Variants in ANKFY1 observed in about 807,000 individuals in gnomAD.
The protein encoded by ANKFY1 is ankyrin repeat and FYVE domain containing 1, also known as ankyrin repeat and FYVE domain-containing protein 1.
Under a neutral mutation model 128.3 loss-of-function variants are expected in ANKFY1, and 47 were observed. That is an observed-to-expected ratio of 0.37 (90% CI 0.29 to 0.47). ANKFY1 has a LOEUF of 0.47. ANKFY1 is among the 20% of genes least tolerant of loss of function. ANKFY1 has a pLI of 1.00. For synonymous variants in ANKFY1, 553 were observed against 601.6 expected (o/e 0.92, Z 1.18); for missense variants, 1,222 against 1,510.6 (o/e 0.81, Z 3.17).
chr17:4,194,086 CAT>C (rs200667678), intron 10 of ANKFY1, among the ~76,000 whole-genome samples: 7 of 46,464 alleles, frequency 1.5e-4, no homozygotes, highest in African/African-American at 3.9e-4. Context: ...CACGCCCGGC[CAT>C]ATATATATAT....
At position 4,235,605 on chromosome 17, in the gene ANKFY1, G is replaced by A. The variant is rs111353265; in HGVS notation, c.322+167C>T. On this transcript the variant is annotated intron_variant, in intron 3 of 24. Transcript: ENST00000341657. ...AGGTAGGTACACAAAGTACCTAAAA[G>A]TACAACCTGCTGATTCATTAATTAT... Among the ~76,000 whole-genome samples, 163 of 152,272 alleles carry A rather than the reference G, an allele frequency of 1.1e-3. 1 individual carries two copies. The highest frequency in any genetic ancestry group is 3.8e-3 in the African/African-American group (156 of 41,556).
In ANKFY1 at chr17:4,207,926, A is replaced by G; in HGVS notation, c.732+7T>C. 1 of 1,574,938 alleles carries G rather than the reference A, an allele frequency of 6.3e-7. No individual in the cohort carries two copies. Among genetic ancestry groups the G allele is most frequent in the Non-Finnish European group, 8.6e-7 (1 of 1,164,614 alleles). On this transcript the variant is annotated splice_region_variant and intron_variant, in intron 6 of 24. Coordinates refer to ENST00000341657, the MANE Select transcript of ANKFY1 (RefSeq NM_001330063.2). ...GAAATGAAGAATGGAAAAGGCAGCT[A>G]CAGTACCTGGGAATCCATTTCAATC...
At chr17:4,195,792 T>TC (rs1453719342) in intron 8 of ANKFY1, among the ~76,000 whole-genome samples, 2 of 152,100 alleles carry the variant, frequency 1.3e-5, no homozygotes, top group Non-Finnish European at 2.9e-5. Context: ...GTGCAGATTT[T>TC]CCCTCATCTC....
chr17:4,168,433 T>C (rs114238398), intron 24 of ANKFY1, among the ~76,000 whole-genome samples: 11,257 of 152,230 alleles, frequency 0.074, 515 homozygotes, highest in South Asian at 0.15. Context: ...GCCTGGGTAA[T>C]AGAGCAAGAC....
chr17:4,207,065 C>T (rs1211841187), intron 6 of ANKFY1, among the ~76,000 whole-genome samples: 2 of 152,084 alleles, frequency 1.3e-5, no homozygotes, highest in African/African-American at 4.8e-5. Context: ...GATTAAGGAC[C>T]TTGTGATGGG....
chr17:4,216,999 G>A lies in ANKFY1; in HGVS notation c.442C>T (p.Gln148Ter), dbSNP rs1273500673. The A allele has an allele frequency of 1.9e-6, 3 of 1,614,010 alleles. No individual in the cohort carries two copies. The highest frequency in any genetic ancestry group is 1.1e-5 in the South Asian group (1 of 91,082). Residue 148 changes from glutamine (Q) to a stop codon, truncating the protein, a stop_gained, in exon 4 of 25, where the codon CAG becomes TAG. Coordinates refer to ENST00000341657, the MANE Select transcript of ANKFY1 (RefSeq NM_001330063.2). LOFTEE classifies it high-confidence loss of function. Reference sequence around the variant, plus strand: ...GTGACTTGCCTCTCCCTGAGGAGCTGTAGCTGAAACCGATTTGCTAGTTTC... The same window carrying A: ...GTGACTTGCCTCTCCCTGAGGAGCTATAGCTGAAACCGATTTGCTAGTTTC... Reference protein sequence around the residue: ...LMKLANRFQLQLLRERCEKGV... With the variant: ...LMKLANRFQL
At chr17:4,172,411 G>T in intron 22 of ANKFY1, 145 bp downstream of exon 22, 3 of 1,122,260 alleles carry the variant, frequency 2.7e-6, no homozygotes, top group Non-Finnish European at 3.7e-6. Flanking sequence ...TCCACAACAG[G>T]GCTCTGTAAC....
intron 3 of ANKFY1, among the ~76,000 whole-genome samples, chr17:4,226,580 G>C (rs1043314675): frequency 6.6e-6 from 1 of 151,802 alleles, no homozygotes; most frequent in African/African-American, 2.4e-5. Flanking sequence ...AAAAAGGACA[G>C]AAATCAATAA....
intron 3 of ANKFY1, chr17:4,223,282 C>T: frequency 2.1e-6 from 2 of 964,542 alleles, no homozygotes; most frequent in South Asian, 2.6e-5. Context: ...GGAATCTTCA[C>T]TTGTTTTTAC....
chr17:4,173,760 T>G (rs1458325995), intron 20 of ANKFY1, 149 bp downstream of exon 20: 1 of 1,114,378 alleles, frequency 9.0e-7, no homozygotes, highest in Non-Finnish European at 1.3e-6. Flanking sequence ...CAGTCGCAGG[T>G]TGGATGCTCT....
rs375812104 is a variant in ANKFY1, at chr17:4,192,801, T to C, written c.1372+2177A>G. Among the ~76,000 whole-genome samples, 11 of 152,264 alleles carry C rather than the reference T, an allele frequency of 7.2e-5. No homozygotes were observed. In the East Asian group the frequency reaches 1.5e-3, roughly 21 times the overall value. On this transcript the variant is annotated intron_variant, in intron 10 of 24. Transcript: ENST00000341657. ...CGGGTGCAGTGGTGTTTAAAACTCA[T>C]CAAAACCAGTTACAGATTTCTTTGT... is the stretch of plus-strand genomic sequence containing the variant.
rs1467514046 is a variant in ANKFY1 at position 4,263,610 on chromosome 17, G to A, written c.10+322C>T. On this transcript the variant is annotated intron_variant, in intron 1 of 24. Transcript: ENST00000341657. ...GAAGGCTTACTTCCCCCGGCGTCCCGGCACCGCCGGCAATCAAGAGCCTCC... is the reference window on the plus strand; with the variant it reads ...GAAGGCTTACTTCCCCCGGCGTCCCAGCACCGCCGGCAATCAAGAGCCTCC... 2.6e-6 allele frequency: 4 copies of A among 1,534,916 alleles called. No homozygotes were observed. The South Asian group carries it at 3.6e-5, about 14-fold the overall frequency.
At chr17:4,251,423 C>G (rs1012110141) in intron 1 of ANKFY1, among the ~76,000 whole-genome samples, 3 of 151,772 alleles carry the variant, frequency 2.0e-5, no homozygotes, top group African/African-American at 7.3e-5. Flanking sequence ...GCACTCCAGC[C>G]TGGGAAACCC....
intron 3 of ANKFY1, chr17:4,223,906 G>A (rs1439810731): frequency 3.1e-6 from 2 of 644,642 alleles, no homozygotes; most frequent in African/African-American, 3.7e-5. Flanking sequence ...CACGCCAACA[G>A]AAGCACATTT....
intron 1 of ANKFY1, among the ~76,000 whole-genome samples, chr17:4,247,755 C>T (rs1387726907): frequency 6.6e-6 from 1 of 152,120 alleles, no homozygotes; most frequent in South Asian, 2.1e-4. Flanking sequence ...GGTTCTAGGG[C>T]CAGACTGACT....
In ANKFY1 at chr17:4,185,119, T is replaced by C. The variant is rs2059588068; in HGVS notation, c.1471-73A>G. On this transcript the variant is annotated intron_variant, in intron 11 of 24. Coordinates refer to ENST00000341657, the MANE Select transcript of ANKFY1 (RefSeq NM_001330063.2). The stretch of plus-strand genomic sequence containing the variant: ...TTCACAAAGAGCGTGGCAGCCTAAG[T>C]GCAAAACCTCGGGTCCTTGGCTCAT... The C allele has an allele frequency of 2.1e-5, 29 of 1,401,136 alleles. No homozygotes were observed. In the South Asian group the frequency reaches 3.4e-4, roughly 16 times the overall value. 86.8% of individuals were successfully genotyped at this position (1,401,136 alleles called of 1,614,324 possible).
rs533434252 is a variant in ANKFY1, at chr17:4,206,442, T to C, written c.777A>G (p.Ala259=). 2.9e-4 allele frequency: 472 copies of C among 1,614,186 alleles called. 6 individuals are homozygous for C. The South Asian group carries it at 4.3e-3, about 15-fold the overall frequency. ...LNEADHNGDL[A]LDLALSRRLE... ...GTCGTCGTGAGAGGGCTAGATCTAA[T>C]GCCAGATCTCCGTTATGATCCGCTT... The change falls in exon 7 of 25, where the codon GCA becomes GCG. Residue 259 remains alanine, a synonymous_variant. Transcript: ENST00000341657.
chr17:4,220,248 C>G (rs769802624), intron 3 of ANKFY1, among the ~76,000 whole-genome samples: 2 of 152,234 alleles, frequency 1.3e-5, no homozygotes, highest in African/African-American at 4.8e-5. Context: ...CATAGTAGAT[C>G]TTGGAAGTAG....
intron 3 of ANKFY1, among the ~76,000 whole-genome samples, chr17:4,220,478 C>T (rs2143059998): frequency 6.6e-6 from 1 of 152,354 alleles, no homozygotes; most frequent in East Asian, 1.9e-4. Context: ...CCTACAGTAG[C>T]AGTTTCTTAA....
Sources: allele counts gnomAD v4.1 joint callset (sites outside exome capture counted in the v4.1 genomes callset), GRCh38; gene constraint gnomAD v4.1.1; transcripts MANE v1.5; gene names NCBI Gene and HGNC (gene_info 2026-07-23, HGNC 2026-07-21).